Variants in HECTD4 observed in about 807,000 individuals in gnomAD.
HECTD4 encodes the protein HECT domain E3 ubiquitin protein ligase 4.
In HECTD4, 114 loss-of-function variants were observed where a neutral mutation model predicts 471.5. That is an observed-to-expected ratio of 0.24 (90% CI 0.21 to 0.28). HECTD4 has a LOEUF of 0.28. HECTD4 is among the 10% of genes least tolerant of loss of function. The probability of loss-of-function intolerance (pLI) is 1.00; values close to 1 mark genes in which losing one functional copy is unlikely to be tolerated. For synonymous variants in HECTD4, 2,012 were observed against 2,256.0 expected (o/e 0.89, Z 3.07); for missense variants, 3,866 against 5,651.5 (o/e 0.68, Z 10.13).
At chr12:112,264,685 T>C (rs903366877) in intron 16 of HECTD4, among the ~76,000 whole-genome samples, 6 of 152,204 alleles carry the variant, frequency 3.9e-5, no homozygotes, top group African/African-American at 1.4e-4. Flanking sequence ...GCAGGGGGAA[T>C]AGTCTTTGGA....
intron 1 of HECTD4, among the ~76,000 whole-genome samples, chr12:112,331,047 G>A (rs1272262107): frequency 6.6e-6 from 1 of 151,960 alleles, no homozygotes; most frequent in Non-Finnish European, 1.5e-5. Context: ...CCTAGGCATC[G>A]GTTTTTTTGT....
At chr12:112,309,510 A>G in intron 5 of HECTD4, 51 bp downstream of exon 5, 1 of 787,726 alleles carries the variant, frequency 1.3e-6, no homozygotes, top group Non-Finnish European at 2.1e-6. Flanking sequence ...AGATTTATGT[A>G]AGGAGGATAA....
Position 112,163,313 on chromosome 12 carries a change from C to A in HECTD4, c.12898-49G>T. The A allele has an allele frequency of 2.6e-6, 4 of 1,527,540 alleles. No homozygotes were observed. Among genetic ancestry groups the A allele is most frequent in the Non-Finnish European group, 3.6e-6 (4 of 1,119,778 alleles). 94.6% of individuals were successfully genotyped at this position (1,527,540 alleles called of 1,614,324 possible). On this transcript the variant is annotated intron_variant, in intron 74 of 75. Transcript: ENST00000682272. This position sits in a 1 kb window ranked among gnomAD's most constrained non-coding sequence, Gnocchi z 8.2. ...CAGGAGCCCTGGAGCCCCACCTACC[C>A]AGTGCCTCCCCAGCCCTGGGGTCTG...
intron 7 of HECTD4, among the ~76,000 whole-genome samples, chr12:112,290,499 G>A (rs192135919): frequency 2.1e-4 from 32 of 151,836 alleles, no homozygotes; most frequent in Admixed American, 3.9e-4. Context: ...CCACTCCAGC[G>A]TGGGCAAAAG....
At position 112,239,543 on chromosome 12, in the gene HECTD4, A is replaced by C. The variant is rs187244178; in HGVS notation, c.5106-307T>G. Among the ~76,000 whole-genome samples, 1 of 152,338 alleles carries C rather than the reference A, an allele frequency of 6.6e-6. No individual in the cohort carries two copies. The highest frequency in any genetic ancestry group is 1.5e-5 in the Non-Finnish European group (1 of 68,024). On this transcript the variant is annotated intron_variant, in intron 33 of 75. Coordinates refer to ENST00000682272, the MANE Select transcript of HECTD4 (RefSeq NM_001388303.1). This position sits in a 1 kb window ranked among gnomAD's most constrained non-coding sequence, Gnocchi z 4.9. ...GATTCAATGAATGCTTGACATCTTC[A>C]AATTAGTAACTAAGTGACCCAAGAG...
Position 112,219,844 on chromosome 12 carries a change from C to T in HECTD4, c.6971-355G>A, listed in dbSNP as rs372156155. Among the ~76,000 whole-genome samples the T allele has an allele frequency of 1.2e-4, 19 of 152,252 alleles. No homozygotes were observed. In the South Asian group the frequency reaches 3.7e-3, roughly 30 times the overall value. Reference sequence around the variant, plus strand: ...CGAACTCCTGACCTCAGGTGATCCGCCTGCCTCAGCCTCCCAAAGTGCTGG... The same window carrying T: ...CGAACTCCTGACCTCAGGTGATCCGTCTGCCTCAGCCTCCCAAAGTGCTGG... On this transcript the variant is annotated intron_variant, in intron 44 of 75. Transcript: ENST00000682272.
chr12:112,263,707 T>TATATATATATATATATATATA (rs1566091576), intron 17 of HECTD4, among the ~76,000 whole-genome samples: 6 of 137,892 alleles, frequency 4.4e-5, no homozygotes, highest in South Asian at 2.3e-4. Flanking sequence ...CCCAAGATTT[T>TATATATATATATATATATATA]TATATATATA....
chr12:112,303,875 G>C (rs199736745), intron 7 of HECTD4, among the ~76,000 whole-genome samples: 1 of 103,876 alleles, frequency 9.6e-6, no homozygotes, highest in Non-Finnish European at 2.0e-5. Context: ...AAAAAAAAAA[G>C]AAAAAAAAAA....
chr12:112,219,665 T>G (rs2033035131), intron 44 of HECTD4, 176 bp from the exon 45 acceptor site: 1 of 449,162 alleles, frequency 2.2e-6, no homozygotes, highest in Non-Finnish European at 3.9e-6. Flanking sequence ...AGTGGCGCGG[T>G]CCTGGCTTAC....
At chr12:112,256,607 G>T in intron 20 of HECTD4, 89 bp from the exon 21 acceptor site, 1 of 886,710 alleles carries the variant, frequency 1.1e-6, no homozygotes, top group Non-Finnish European at 1.6e-6. Flanking sequence ...ATTTTCCACA[G>T]CATGCAGTAT....
intron 20 of HECTD4, 21 bp from the exon 21 acceptor site, chr12:112,256,539 T>G (rs767044401): frequency 6.7e-7 from 1 of 1,482,560 alleles, no homozygotes. Flanking sequence ...AAAGAGAAAG[T>G]GATTTAGCTT....
intron 71 of HECTD4, 37 bp from the exon 72 acceptor site, chr12:112,167,575 G>C (rs1361049201): frequency 6.8e-7 from 1 of 1,476,342 alleles, no homozygotes; most frequent in Non-Finnish European, 9.2e-7. Context: ...ACCTGGGCGT[G>C]GGCCTCTGTG....
chr12:112,302,732 A>G, intron 7 of HECTD4: 1 of 402,946 alleles, frequency 2.5e-6, no homozygotes, highest in Non-Finnish European at 4.4e-6. Flanking sequence ...TCTTCATATT[A>G]GAAGCTTTCC....
intron 5 of HECTD4, among the ~76,000 whole-genome samples, chr12:112,309,294 C>G (rs1190801573): frequency 6.6e-6 from 1 of 152,178 alleles, no homozygotes; most frequent in Non-Finnish European, 1.5e-5. Flanking sequence ...TACAAAAATA[C>G]TGATCATGGA....
intron 67 of HECTD4, 150 bp from the exon 68 acceptor site, chr12:112,171,413 C>G (rs1043043792): frequency 2.4e-6 from 3 of 1,263,170 alleles, no homozygotes; most frequent in Non-Finnish European, 3.3e-6. Flanking sequence ...GTGAGCGGCC[C>G]CCAATGTGCC....
chr12:112,345,409 G>A (rs1594062341), intron 1 of HECTD4, among the ~76,000 whole-genome samples: 1 of 151,824 alleles, frequency 6.6e-6, no homozygotes, highest in South Asian at 2.1e-4. Flanking sequence ...AACCAAACAA[G>A]CAAACCTTAA....
Position 112,228,789 on chromosome 12 carries a change from C to T in HECTD4, c.6542G>A (p.Gly2181Glu). The T allele has an allele frequency of 6.2e-7, 1 of 1,613,780 alleles. No individual in the cohort carries two copies. The highest frequency in any genetic ancestry group is 8.5e-7 in the Non-Finnish European group (1 of 1,179,828). The part of the protein sequence containing the change: ...EVQVLGRGIS[G>E]SIGVVASINE... The stretch of plus-strand genomic sequence containing the variant: ...GATAGAAGCCACTACTCCAATGCTT[C>T]CTGAAATTCCTCTACCTAAAACCTG... The change falls in exon 42 of 76, where the codon GGA (glycine) becomes GAA (glutamate). Residue 2181 changes from glycine to glutamate, a missense_variant. By Grantham distance (98) the Gly-to-Glu change is moderately conservative (BLOSUM62 -2). Transcript: ENST00000682272. The surrounding 1 kb of genome is among the most constrained non-coding windows in gnomAD (Gnocchi z 4.9).
chr12:112,184,994 C>A lies in HECTD4; in HGVS notation c.9972G>T (p.Ser3324=), dbSNP rs755972541. 3 of 1,611,586 alleles carry A rather than the reference C, an allele frequency of 1.9e-6. No individual in the cohort carries two copies. Among genetic ancestry groups the A allele is most frequent in the Non-Finnish European group, 8.5e-7 (1 of 1,178,996 alleles). Residue 3324 remains serine, a synonymous_variant, in exon 61 of 76, where the codon TCG becomes TCT. Transcript: ENST00000682272. The surrounding 1 kb of genome is among the most constrained non-coding windows in gnomAD (Gnocchi z 9.1). ...TGCGGGAAGACTGGCGCTTGCCCGACGAGGAGGCCTTTTCCCGCTTCATCT... is the reference window on the plus strand; with the variant it reads ...TGCGGGAAGACTGGCGCTTGCCCGAAGAGGAGGCCTTTTCCCGCTTCATCT... The part of the protein sequence containing the change: ...KVKMKREKAS[S]SGKRQSSRTV...
In HECTD4 at chr12:112,235,561, G is replaced by A. The variant is rs1234777986; in HGVS notation, c.5668C>T (p.Pro1890Ser). 6.2e-7 allele frequency: 1 copy of A among 1,613,826 alleles called. No individual in the cohort carries two copies. The highest frequency in any genetic ancestry group is 8.5e-7 in the Non-Finnish European group (1 of 1,179,824). The change falls in exon 36 of 76, where the codon CCA becomes TCA. Residue 1890 changes from proline to serine, a missense_variant. Around this residue, in one of 16 missense-constraint regions of HECTD4, gnomAD observed 617 missense variants for 915.1 expected, o/e 0.67. Transcript: ENST00000682272. This position sits in a 1 kb window ranked among gnomAD's most constrained non-coding sequence, Gnocchi z 5.0. ...LNSEQEDPSD[P>S]ASKIASLLLA... ...AGCAGGGAGGCGATCTTGGAAGCTG[G>A]GTCGCTGGGATCCTCCTGCTCACTG...
Sources: allele counts gnomAD v4.1 joint callset (sites outside exome capture counted in the v4.1 genomes callset), GRCh38; gene constraint gnomAD v4.1.1; regional missense constraint gnomAD v4.1.1; non-coding constraint Gnocchi (gnomAD v3.1); transcripts MANE v1.5; gene names NCBI Gene and HGNC (gene_info 2026-07-23, HGNC 2026-07-21).